Variants in RAPGEF6 observed in about 807,000 individuals in gnomAD.
RAPGEF6 encodes the protein Rap guanine nucleotide exchange factor 6.
A neutral mutation model predicts 171.4 loss-of-function variants in RAPGEF6; 56 were observed. That is an observed-to-expected ratio of 0.33 (90% CI 0.26 to 0.41). RAPGEF6 has a LOEUF of 0.41. Among genes scored for constraint, RAPGEF6 ranks in the 10% least tolerant of loss-of-function variants. The probability of loss-of-function intolerance (pLI) is 1.00; values close to 1 mark genes in which losing one functional copy is unlikely to be tolerated. For missense variants in RAPGEF6, 1,674 were observed against 1,921.4 expected, an observed-to-expected ratio of 0.87 and a Z score of 2.41; for synonymous variants, 692 against 650.1, an observed-to-expected ratio of 1.06 and a Z score of -0.98.
intron 5 of RAPGEF6, among the ~76,000 whole-genome samples, chr5:131,548,502 G>A (rs190821051): frequency 1.3e-5 from 2 of 152,278 alleles, no homozygotes; most frequent in African/African-American, 2.4e-5. Flanking sequence ...ATTACAACTT[G>A]AGTTCCTCTA....
chr5:131,608,632 G>T (rs1179089915), intron 1 of RAPGEF6, among the ~76,000 whole-genome samples: 1 of 152,168 alleles, frequency 6.6e-6, no homozygotes, highest in African/African-American at 2.4e-5. Flanking sequence ...TAGCAGGTAG[G>T]ACCTAGCAAG....
intron 6 of RAPGEF6, among the ~76,000 whole-genome samples, chr5:131,545,526 G>A (rs1359690663): frequency 6.6e-6 from 1 of 152,072 alleles, no homozygotes; most frequent in East Asian, 1.9e-4. Flanking sequence ...ACCCTATAAA[G>A]GCCATTAAAC....
At chr5:131,580,591 T>C (rs1046836943) in intron 4 of RAPGEF6, among the ~76,000 whole-genome samples, 1 of 152,208 alleles carries the variant, frequency 6.6e-6, no homozygotes, top group African/African-American at 2.4e-5. Context: ...TCACGGTGAA[T>C]AGCAGTGAAA....
intron 15 of RAPGEF6, among the ~76,000 whole-genome samples, chr5:131,481,111 G>A (rs1755448570): frequency 1.3e-5 from 2 of 151,722 alleles, no homozygotes; most frequent in South Asian, 4.2e-4. Flanking sequence ...TTTTAGTAGA[G>A]ATGGGGTTTC....
intron 1 of RAPGEF6, among the ~76,000 whole-genome samples, chr5:131,632,075 C>CAAAAAAAA (rs529399752): frequency 1.6e-5 from 1 of 63,748 alleles, no homozygotes; most frequent in Non-Finnish European, 3.3e-5. Flanking sequence ...GACTCTGTCT[C>CAAAAAAAA]AAAAAAAAAA....
chr5:131,473,371 A>G (rs930887728), intron 16 of RAPGEF6, among the ~76,000 whole-genome samples: 3 of 152,220 alleles, frequency 2.0e-5, no homozygotes, highest in African/African-American at 7.2e-5. Context: ...AGCAAACAAA[A>G]TATTCTTCCT....
intron 6 of RAPGEF6, among the ~76,000 whole-genome samples, chr5:131,543,850 T>G (rs1359206840): frequency 2.0e-5 from 3 of 152,140 alleles, no homozygotes; most frequent in African/African-American, 7.2e-5. Context: ...CTCTGAAATT[T>G]CTGAAACTAT....
At chr5:131,602,383 C>T (rs1580658447) in intron 3 of RAPGEF6, among the ~76,000 whole-genome samples, 1 of 152,278 alleles carries the variant, frequency 6.6e-6, no homozygotes, top group East Asian at 1.9e-4. Flanking sequence ...AATTTTATTC[C>T]TAGGAATATC....
chr5:131,463,017 C>T (rs879397802), intron 18 of RAPGEF6, among the ~76,000 whole-genome samples: 1 of 152,102 alleles, frequency 6.6e-6, no homozygotes, highest in Non-Finnish European at 1.5e-5. Context: ...TACAACATTC[C>T]CATGAGGTAT....
intron 13 of RAPGEF6, 47 bp downstream of exon 13, chr5:131,495,506 G>T (rs959606172): frequency 1.2e-5 from 18 of 1,466,478 alleles, no homozygotes; most frequent in Middle Eastern, 1.7e-4. Flanking sequence ...CTAGTGTTGA[G>T]GGGGGACCAC....
intron 1 of RAPGEF6, among the ~76,000 whole-genome samples, chr5:131,633,776 A>G (rs541677464): frequency 6.6e-6 from 1 of 152,342 alleles, no homozygotes; most frequent in South Asian, 2.1e-4. Flanking sequence ...GAAACCTGCA[A>G]TACACATCGT....
intron 8 of RAPGEF6, among the ~76,000 whole-genome samples, chr5:131,508,580 A>G (rs1183349751): frequency 6.6e-6 from 1 of 151,792 alleles, no homozygotes; most frequent in African/African-American, 2.4e-5. Flanking sequence ...TTCTTACTAA[A>G]CAAAAGTATT....
At chr5:131,559,456 G>A (rs2149964288) in intron 5 of RAPGEF6, among the ~76,000 whole-genome samples, 1 of 152,254 alleles carries the variant, frequency 6.6e-6, no homozygotes, top group South Asian at 2.1e-4. Flanking sequence ...CTTCAGGATT[G>A]TGTAACCTTG....
intron 6 of RAPGEF6, among the ~76,000 whole-genome samples, chr5:131,537,934 AAAAAC>A (rs751640434): frequency 7.9e-5 from 12 of 152,136 alleles, no homozygotes; most frequent in Non-Finnish European, 1.5e-4. Context: ...CTCTACAAAA[AAAAAC>A]AAAGTTAGCT....
At chr5:131,489,481 G>A in intron 15 of RAPGEF6, 65 bp downstream of exon 15, 1 of 903,318 alleles carries the variant, frequency 1.1e-6, no homozygotes, top group Non-Finnish European at 1.7e-6. Context: ...TTCTTCCACT[G>A]TAATGACTTT....
chr5:131,522,152 G>C (rs1758540377), intron 6 of RAPGEF6, among the ~76,000 whole-genome samples: 1 of 152,058 alleles, frequency 6.6e-6, no homozygotes, highest in Non-Finnish European at 1.5e-5. Flanking sequence ...GTCTGTACTA[G>C]GCACAGGTAT....
chr5:131,595,840 T>TA, intron 3 of RAPGEF6, among the ~76,000 whole-genome samples: 2 of 25,204 alleles, frequency 7.9e-5, no homozygotes, highest in Non-Finnish European at 2.3e-4. Flanking sequence ...ACCTCACTGT[T>TA]AAAGACATAG....
At chr5:131,528,771 G>A (rs992414138) in intron 6 of RAPGEF6, among the ~76,000 whole-genome samples, 3 of 152,226 alleles carry the variant, frequency 2.0e-5, no homozygotes, top group East Asian at 1.9e-4. Context: ...GAATGAGGAG[G>A]AGTGTAGTAG....
chr5:131,479,311 C>T (rs1333238423), intron 16 of RAPGEF6, among the ~76,000 whole-genome samples: 3 of 151,996 alleles, frequency 2.0e-5, no homozygotes, highest in Admixed American at 6.6e-5. Flanking sequence ...CAAAATAATG[C>T]TATTATATAA....
Sources: allele counts gnomAD v4.1 joint callset (sites outside exome capture counted in the v4.1 genomes callset), GRCh38; gene constraint gnomAD v4.1.1; transcripts MANE v1.5; gene names NCBI Gene and HGNC (gene_info 2026-07-23, HGNC 2026-07-21).